Variants in DGKI observed in about 807,000 individuals in gnomAD.
The protein encoded by DGKI is diacylglycerol kinase iota.
A neutral mutation model predicts 147.5 loss-of-function variants in DGKI; 55 were observed. That is an observed-to-expected ratio of 0.37 (90% CI 0.30 to 0.47). The LOEUF (loss-of-function observed/expected upper bound fraction) is 0.47, where lower values mean the gene tolerates loss of function less well. DGKI is among the 20% of genes least tolerant of loss of function. The pLI, the probability that DGKI is intolerant of heterozygous loss-of-function variation, is 1.00. For synonymous variants in DGKI, 469 were observed against 477.1 expected, an observed-to-expected ratio of 0.98 and a Z score of 0.22; for missense variants, 1,007 against 1,323.8, an observed-to-expected ratio of 0.76 and a Z score of 3.71.
At chr7:137,839,038 C>A (rs1415645939) in intron 1 of DGKI, among the ~76,000 whole-genome samples, 1 of 152,214 alleles carries the variant, frequency 6.6e-6, no homozygotes, top group Non-Finnish European at 1.5e-5. Flanking sequence ...CTTATCCATT[C>A]CTGACACTGT....
At chr7:137,564,556 C>T (rs1001544563) in intron 19 of DGKI, among the ~76,000 whole-genome samples, 1 of 148,352 alleles carries the variant, frequency 6.7e-6, no homozygotes, top group African/African-American at 2.6e-5. Flanking sequence ...TGCAAAAAAA[C>T]ACATTTGACT....
At chr7:137,482,200 T>A (rs1203729139) in intron 23 of DGKI, among the ~76,000 whole-genome samples, 1 of 152,054 alleles carries the variant, frequency 6.6e-6, no homozygotes, top group Admixed American at 6.6e-5. Context: ...AGCCTCTCAA[T>A]GGCATTTGAC....
At chr7:137,731,887 G>A (rs1362213976) in intron 1 of DGKI, among the ~76,000 whole-genome samples, 1 of 151,960 alleles carries the variant, frequency 6.6e-6, no homozygotes. Flanking sequence ...GCTTGATCAG[G>A]ACCTCTAGAC....
chr7:137,803,168 G>T (rs938055243), intron 1 of DGKI, among the ~76,000 whole-genome samples: 1 of 152,226 alleles, frequency 6.6e-6, no homozygotes, highest in Middle Eastern at 3.4e-3. Context: ...GGGATGGAGG[G>T]GTGCAAGCTG....
At chr7:137,734,610 G>T (rs1364589698) in intron 1 of DGKI, among the ~76,000 whole-genome samples, 1 of 151,946 alleles carries the variant, frequency 6.6e-6, no homozygotes, top group Non-Finnish European at 1.5e-5. Flanking sequence ...TCAAACCCAG[G>T]TAAGTTTTGA....
intron 2 of DGKI, among the ~76,000 whole-genome samples, chr7:137,681,314 C>T (rs920558053): frequency 6.6e-6 from 1 of 152,170 alleles, no homozygotes; most frequent in Non-Finnish European, 1.5e-5. Flanking sequence ...TCACAGTCAA[C>T]CTTGTGGGAC....
At chr7:137,801,277 C>T (rs1045201813) in intron 1 of DGKI, among the ~76,000 whole-genome samples, 6 of 152,074 alleles carry the variant, frequency 3.9e-5, no homozygotes, top group Non-Finnish European at 7.3e-5. Flanking sequence ...CTTTCTTGCT[C>T]CCTGGAGTTG....
chr7:137,473,365 C>T (rs1348774715), intron 23 of DGKI, among the ~76,000 whole-genome samples: 1 of 151,974 alleles, frequency 6.6e-6, no homozygotes, highest in Non-Finnish European at 1.5e-5. Context: ...TTTAATGGGT[C>T]CTCAAATAGG....
At chr7:137,609,093 T>C (rs1357863120) in intron 9 of DGKI, 29 bp from the exon 10 acceptor site, 1 of 1,581,438 alleles carries the variant, frequency 6.3e-7, no homozygotes, top group Non-Finnish European at 8.7e-7. Context: ...ACTGTTAGGA[T>C]ACACATCCAT....
At chr7:137,623,867 T>C (rs1253271632) in intron 6 of DGKI, among the ~76,000 whole-genome samples, 4 of 152,222 alleles carry the variant, frequency 2.6e-5, no homozygotes, top group Admixed American at 6.5e-5. Flanking sequence ...GATATGTTTT[T>C]ATTATAACCA....
intron 19 of DGKI, 138 bp downstream of exon 19, chr7:137,571,037 T>C: frequency 1.6e-6 from 1 of 607,716 alleles, no homozygotes; most frequent in Non-Finnish European, 2.7e-6. Flanking sequence ...TTTTTTCTTG[T>C]TTTTCCTAAG....
intron 8 of DGKI, among the ~76,000 whole-genome samples, chr7:137,619,277 A>T (rs1820657574): frequency 6.6e-6 from 1 of 152,234 alleles, no homozygotes; most frequent in Non-Finnish European, 1.5e-5. Context: ...TGGGGAGAAC[A>T]CAGAATGAGA....
At chr7:137,637,646 A>AT (rs1204125674) in intron 6 of DGKI, among the ~76,000 whole-genome samples, 1 of 152,250 alleles carries the variant, frequency 6.6e-6, no homozygotes, top group Non-Finnish European at 1.5e-5. Context: ...GAAAGCTCCA[A>AT]TTATTAATCA....
intron 1 of DGKI, among the ~76,000 whole-genome samples, chr7:137,809,783 G>A (rs1797503246): frequency 1.3e-5 from 2 of 152,016 alleles, no homozygotes; most frequent in South Asian, 4.2e-4. Flanking sequence ...GTGTGCCTGT[G>A]GTTCCAGCTA....
chr7:137,573,797 G>A lies in DGKI; in HGVS notation c.1762-959C>T, dbSNP rs561628430. On this transcript the variant is annotated intron_variant, in intron 17 of 32. Coordinates refer to ENST00000614521, the MANE Select transcript of DGKI (RefSeq NM_001321708.2). ...GCCTAGCTTGGCCTCAACAACCCTCGAACATGGATGGCTTCCCTGATCTGC... is the reference window on the plus strand; with the variant it reads ...GCCTAGCTTGGCCTCAACAACCCTCAAACATGGATGGCTTCCCTGATCTGC... Among the ~76,000 whole-genome samples, 71 of 152,300 alleles carry A rather than the reference G, an allele frequency of 4.7e-4. 1 individual carries two copies. The South Asian group carries it at 0.014, about 30-fold the overall frequency.
At chr7:137,638,636 A>ACATACACACATATATGTATG (rs1821496082) in intron 6 of DGKI, among the ~76,000 whole-genome samples, 1 of 7,810 alleles carries the variant, frequency 1.3e-4, no homozygotes, top group African/African-American at 1.0e-3. Flanking sequence ...ATATGTGTGT[A>ACATACACACATATATGTATG]TATATGTGTA....
At chr7:137,469,750 G>A (rs1814809261) in intron 23 of DGKI, 131 bp from the exon 24 acceptor site, 3 of 639,014 alleles carry the variant, frequency 4.7e-6, no homozygotes, top group Non-Finnish European at 7.3e-6. Flanking sequence ...TTTTTCTCTA[G>A]GAACACAAAG....
intron 3 of DGKI, among the ~76,000 whole-genome samples, chr7:137,674,096 A>G (rs1822944819): frequency 1.3e-5 from 2 of 152,232 alleles, no homozygotes; most frequent in African/African-American, 4.8e-5. Context: ...CAATTTCATT[A>G]CTTTTGCATC....
chr7:137,709,495 G>A (rs1370895386), intron 1 of DGKI, among the ~76,000 whole-genome samples: 1 of 152,150 alleles, frequency 6.6e-6, no homozygotes, highest in Non-Finnish European at 1.5e-5. Context: ...GTGATGGAAG[G>A]AAAAACATCT....
Sources: gnomAD v4.1 joint callset for allele counts (sites outside exome capture counted in the v4.1 genomes callset) on GRCh38, gnomAD v4.1.1 for gene constraint, MANE v1.5 for transcripts, NCBI Gene and HGNC (gene_info 2026-07-23, HGNC 2026-07-21) for gene names.